Variants in RAB11FIP1 observed in about 807,000 individuals in gnomAD.
The protein encoded by RAB11FIP1 is rab11 family-interacting protein 1.
A neutral mutation model predicts 83.1 loss-of-function variants in RAB11FIP1; 49 were observed. The observed-to-expected ratio is 0.59, with a 90% confidence interval of 0.47 to 0.75. RAB11FIP1 has a LOEUF of 0.75. RAB11FIP1 is among the 30% of genes least tolerant of loss of function. RAB11FIP1 has a pLI of 0.00. For missense variants in RAB11FIP1, 1,536 were observed against 1,598.7 expected, an observed-to-expected ratio of 0.96 and a Z score of 0.67; for synonymous variants, 670 against 656.0, an observed-to-expected ratio of 1.02 and a Z score of -0.33.
chr8:37,895,189 C>T lies in RAB11FIP1; in HGVS notation c.371+3882G>A, dbSNP rs867245890. Among the ~76,000 whole-genome samples, 17 of 106,438 alleles carry T rather than the reference C, an allele frequency of 1.6e-4. No individual in the cohort carries two copies. The South Asian group carries it at 1.7e-3, about 10-fold the overall frequency. The allele number at this position is 106,438 out of a possible 152,430, so 69.8% of individuals were successfully genotyped here. ...CAAATGATCTTCTCACCTCAGCCTC[C>T]GGAATAGCTGGGACTACAGGTGCCT... is the stretch of plus-strand genomic sequence containing the variant. On this transcript the variant is annotated intron_variant, in intron 1 of 5. Coordinates refer to ENST00000330843, the MANE Select transcript of RAB11FIP1 (RefSeq NM_001002814.3).
chr8:37,873,076 CA>C lies in RAB11FIP1; in HGVS notation c.1725del (p.Val576SerfsTer27). 6.2e-7 allele frequency: 1 copy of C among 1,614,018 alleles called. No individual in the cohort carries two copies. Reference sequence around the variant, plus strand: ...GCACCATGTCCCAATTCAGAGGGGACAGATGCCTGGCCAGAGCTAGAAGGAA... The same window carrying C: ...GCACCATGTCCCAATTCAGAGGGGACGATGCCTGGCCAGAGCTAGAAGGAA... ...PPLPSSSGQASVPSELGHGAD... is the reference protein window; with the variant it reads ...PPLPSSSGQAXVPSELGHGAD... On this transcript the variant is annotated frameshift_variant, in exon 4 of 6. Transcript: ENST00000330843. LOFTEE classifies it high-confidence loss of function.
intron 1 of RAB11FIP1, among the ~76,000 whole-genome samples, chr8:37,897,298 G>T (rs1222912918): frequency 1.3e-5 from 2 of 151,534 alleles, no homozygotes; most frequent in African/African-American, 4.9e-5. Context: ...GGAGCCTCCA[G>T]AGGACAAACC....
At chr8:37,887,000 G>A (rs933200888) in intron 1 of RAB11FIP1, among the ~76,000 whole-genome samples, 1 of 152,128 alleles carries the variant, frequency 6.6e-6, no homozygotes, top group African/African-American at 2.4e-5. Context: ...TTTAACGAGC[G>A]CTGGTATTGA....
In RAB11FIP1 at chr8:37,880,635, C is replaced by T. The variant is rs547490804; in HGVS notation, c.372-3084G>A. Among the ~76,000 whole-genome samples, 40 of 151,776 alleles carry T rather than the reference C, an allele frequency of 2.6e-4. No individual in the cohort carries two copies. The South Asian group carries it at 5.9e-3, about 22-fold the overall frequency. ...AATTAGCTGGGTGCAGTGGTGCGTA[C>T]TTAATAGTCCCAACTACTTGGGAGG... On this transcript the variant is annotated intron_variant, in intron 1 of 5. Coordinates refer to ENST00000330843, the MANE Select transcript of RAB11FIP1 (RefSeq NM_001002814.3).
intron 1 of RAB11FIP1, among the ~76,000 whole-genome samples, chr8:37,883,401 C>T (rs539951318): frequency 2.2e-4 from 33 of 152,212 alleles, no homozygotes; most frequent in African/African-American, 7.9e-4. Context: ...AACTCTTGAC[C>T]TCAGGTGATC....
In RAB11FIP1 at chr8:37,875,022, C is replaced by T. The variant is rs1272198062; in HGVS notation, c.1115G>A (p.Gly372Glu). The change falls in exon 3 of 6, where the codon GGA becomes GAA. Residue 372 changes from glycine (G) to glutamate (E), a missense_variant. Gly to Glu is a moderately conservative substitution (Grantham distance 98). Coordinates refer to ENST00000330843, the MANE Select transcript of RAB11FIP1 (RefSeq NM_001002814.3). ...CTGCCTGTCAGAAGACAGCCCACCT[C>T]CTTCAGCAGGCTCCTTCCAAGACCC... is the stretch of plus-strand genomic sequence containing the variant. ...AAGSWKEPAE[G>E]GGLSSDRQLS... is the part of the protein sequence containing the mutation. 6.2e-7 allele frequency: 1 copy of T among 1,614,008 alleles called. No homozygotes were observed. Among genetic ancestry groups the T allele is most frequent in the Non-Finnish European group, 8.5e-7 (1 of 1,180,026 alleles).
At chr8:37,889,909 G>A (rs1806912812) in intron 1 of RAB11FIP1, among the ~76,000 whole-genome samples, 1 of 151,976 alleles carries the variant, frequency 6.6e-6, no homozygotes, top group African/African-American at 2.4e-5. Context: ...TCAGCCACCT[G>A]AGTAGCTGGG....
In RAB11FIP1 at chr8:37,859,883, A is replaced by G. The variant is rs1806203132; in HGVS notation, c.*3012T>C. ...GTGCTCCAATTCACTAATGTCTCCT[A>G]ATGGCTCAGAACAGGCTAAAGCTTC... is the stretch of plus-strand genomic sequence containing the variant. On this transcript the variant is annotated 3_prime_UTR_variant, in exon 6 of 6. Transcript: ENST00000330843. 1 of 152,256 alleles carries G rather than the reference A, an allele frequency of 6.6e-6. No homozygotes were observed. The highest frequency in any genetic ancestry group is 1.5e-5 in the Non-Finnish European group (1 of 68,052). The allele number at this position is 152,256 out of a possible 1,614,324, so 9.4% of individuals were successfully genotyped here.
Position 37,899,281 on chromosome 8 carries a change from G to A in RAB11FIP1, c.161C>T (p.Thr54Ile), listed in dbSNP as rs1459584934. Residue 54 changes from threonine to isoleucine, a missense_variant, in exon 1 of 6, where the codon ACC (threonine) becomes ATC (isoleucine). Coordinates refer to ENST00000330843, the MANE Select transcript of RAB11FIP1 (RefSeq NM_001002814.3). This position sits in a 1 kb window ranked among gnomAD's most constrained non-coding sequence, Gnocchi z 4.5. Reference protein sequence around the residue: ...VIQVGKEKYATSVSERSLGAP... With the variant: ...VIQVGKEKYAISVSERSLGAP... ...GCCCAGGCTGCGCTCCGACACGGAGGTGGCGTACTTCTCCTTGCCCACCTG... is the reference window on the plus strand; with the variant it reads ...GCCCAGGCTGCGCTCCGACACGGAGATGGCGTACTTCTCCTTGCCCACCTG... 2.5e-6 allele frequency: 4 copies of A among 1,608,670 alleles called. No homozygotes were observed. The African/African-American group carries it at 4.0e-5, about 16-fold the overall frequency.
intron 3 of RAB11FIP1, among the ~76,000 whole-genome samples, chr8:37,874,304 G>A (rs980148097): frequency 2.0e-5 from 3 of 152,268 alleles, no homozygotes; most frequent in Non-Finnish European, 4.4e-5. Flanking sequence ...CTGCTGGGCA[G>A]TAGCTCTGAG....
chr8:37,866,904 A>G (rs989160618), intron 5 of RAB11FIP1, among the ~76,000 whole-genome samples: 5 of 152,222 alleles, frequency 3.3e-5, no homozygotes, highest in African/African-American at 9.6e-5. Context: ...GGCATGGTCC[A>G]GAACCAAGAG....
At chr8:37,876,214 AAAGGAAGGAAGGAAGGAAGGAAGGAAGG>A (rs71216633) in intron 2 of RAB11FIP1, among the ~76,000 whole-genome samples, 3 of 128,292 alleles carry the variant, frequency 2.3e-5, no homozygotes, top group African/African-American at 9.4e-5. Flanking sequence ...GAAAAGAAAG[AAAGGAAGGAAGGAAGGAAGGAAGGAAGG>A]AAGGAAGGAA....
Position 37,871,721 on chromosome 8 carries a change from C to G in RAB11FIP1, c.3081G>C (p.Leu1027=). The change falls in exon 4 of 6, where the codon CTG becomes CTC. Residue 1027 remains leucine, a synonymous_variant. Coordinates refer to ENST00000330843, the MANE Select transcript of RAB11FIP1 (RefSeq NM_001002814.3). The part of the protein sequence containing the change: ...EADRLVLGEG[L]CDFRLQAPQA... ...GGGGTGCTTGCAGCCTGAAATCACA[C>G]AGGCCCTCCCCCAGTACCAACCTAT... 1 of 1,613,618 alleles carries G rather than the reference C, an allele frequency of 6.2e-7. No homozygotes were observed. Among genetic ancestry groups the G allele is most frequent in the East Asian group, 2.2e-5 (1 of 44,882 alleles).
chr8:37,888,058 G>T (rs1159686566), intron 1 of RAB11FIP1, among the ~76,000 whole-genome samples: 1 of 152,198 alleles, frequency 6.6e-6, no homozygotes, highest in Non-Finnish European at 1.5e-5. Context: ...GAACAGAAAT[G>T]ACTCACTTCC....
In RAB11FIP1 at chr8:37,891,808, A is replaced by T. The variant is rs541010831; in HGVS notation, c.371+7263T>A. Among the ~76,000 whole-genome samples the T allele has an allele frequency of 1.4e-4, 21 of 152,160 alleles. No individual in the cohort carries two copies. In the South Asian group the frequency reaches 4.4e-3, roughly 32 times the overall value. On this transcript the variant is annotated intron_variant, in intron 1 of 5. Coordinates refer to ENST00000330843, the MANE Select transcript of RAB11FIP1 (RefSeq NM_001002814.3). The stretch of plus-strand genomic sequence containing the variant: ...TATGTTCTCCTTTTCTTAGTCCTAT[A>T]TCCCTTAAAGCAGTGACTTCATCTG...
chr8:37,872,159 T>A lies in RAB11FIP1; in HGVS notation c.2643A>T (p.Pro881=), dbSNP rs780744432. Residue 881 remains proline (P), a synonymous_variant, in exon 4 of 6, where the codon CCA becomes CCT. Transcript: ENST00000330843. ...GPATCGAPAS[P]ADHLLLPSQE... Reference sequence around the variant, plus strand: ...GGGAGGGGAGGAGGAGGTGATCCGCTGGGGAGGCTGGCGCACCACACGTCG... The same window carrying A: ...GGGAGGGGAGGAGGAGGTGATCCGCAGGGGAGGCTGGCGCACCACACGTCG... 2 of 1,613,890 alleles carry A rather than the reference T, an allele frequency of 1.2e-6. No individual in the cohort carries two copies. Among genetic ancestry groups the A allele is most frequent in the South Asian group, 2.2e-5 (2 of 91,064 alleles).
Position 37,872,374 on chromosome 8 carries a change from A to C in RAB11FIP1, c.2428T>G (p.Ser810Ala). The change falls in exon 4 of 6, where the codon TCA (serine) becomes GCA (alanine). Residue 810 changes from serine to alanine, a missense_variant. Transcript: ENST00000330843. ...KDQKKTKKRV[S>A]FSEQLFTEEA... ...TCCGTGAAGAGCTGCTCAGAAAATG[A>C]CACACGCTTCTTGGTTTTCTTCTGG... 6.2e-7 allele frequency: 1 copy of C among 1,614,164 alleles called. No individual in the cohort carries two copies. Among genetic ancestry groups the C allele is most frequent in the Non-Finnish European group, 8.5e-7 (1 of 1,180,028 alleles).
At chr8:37,879,396 G>A (rs1327319342) in intron 1 of RAB11FIP1, among the ~76,000 whole-genome samples, 1 of 152,164 alleles carries the variant, frequency 6.6e-6, no homozygotes, top group African/African-American at 2.4e-5. Flanking sequence ...GAGGTTCCTG[G>A]GTTAGTCAAA....
chr8:37,877,767 T>C, intron 1 of RAB11FIP1: 1 of 438,732 alleles, frequency 2.3e-6, no homozygotes, highest in Non-Finnish European at 4.0e-6. Flanking sequence ...TCACCCAGGC[T>C]GGAGTGCAAT....
Sources: gnomAD v4.1 joint callset for allele counts (sites outside exome capture counted in the v4.1 genomes callset) on GRCh38, gnomAD v4.1.1 for gene constraint, Gnocchi (gnomAD v3.1) non-coding constraint, MANE v1.5 for transcripts, NCBI Gene and HGNC (gene_info 2026-07-23, HGNC 2026-07-21) for gene names.